RTF2: variants seen among roughly 807,000 people sequenced by gnomAD.
RTF2 encodes the protein replication termination factor 2, also known as UPF0549 protein C20orf43.
A neutral mutation model predicts 38.0 loss-of-function variants in RTF2; 18 were observed. The ratio of observed to expected loss-of-function variants is 0.47; its 90% CI spans 0.33 to 0.70. The LOEUF is 0.70. RTF2 is among the 30% of genes least tolerant of loss of function. RTF2 has a pLI of 0.02. For missense variants in RTF2, 311 were observed against 379.6 expected, an observed-to-expected ratio of 0.82 and a Z score of 1.50; for synonymous variants, 126 against 137.1, an observed-to-expected ratio of 0.92 and a Z score of 0.57.
At chr20:56,503,740 A>T (rs899169657) in intron 5 of RTF2, among the ~76,000 whole-genome samples, 2 of 152,158 alleles carry the variant, frequency 1.3e-5, no homozygotes, top group Non-Finnish European at 2.9e-5. Context: ...AGGTGGGTGG[A>T]TCACTTGAGG....
intron 5 of RTF2, among the ~76,000 whole-genome samples, chr20:56,511,845 T>C (rs915981695): frequency 1.3e-5 from 2 of 152,154 alleles, no homozygotes; most frequent in Admixed American, 1.3e-4. Flanking sequence ...CCCCTCTTTT[T>C]TTTTTGAGAC....
At chr20:56,471,344 G>T (rs573421810) in intron 1 of RTF2, among the ~76,000 whole-genome samples, 12 of 152,204 alleles carry the variant, frequency 7.9e-5, no homozygotes, top group African/African-American at 2.9e-4. Flanking sequence ...TGAAGCAGGC[G>T]GATCATGAGG....
At chr20:56,479,553 G>T (rs1458054257) in intron 4 of RTF2, among the ~76,000 whole-genome samples, 1 of 152,192 alleles carries the variant, frequency 6.6e-6, no homozygotes, top group African/African-American at 2.4e-5. Flanking sequence ...ATGACATCTA[G>T]AATGGTGAAT....
intron 1 of RTF2, chr20:56,470,844 C>T: frequency 2.8e-6 from 1 of 352,330 alleles, no homozygotes; most frequent in Non-Finnish European, 5.7e-6. Context: ...ACCCCAACTC[C>T]ATGAGGACAG....
chr20:56,490,779 T>G (rs559845200), intron 5 of RTF2, among the ~76,000 whole-genome samples: 6 of 152,350 alleles, frequency 3.9e-5, no homozygotes, highest in African/African-American at 1.4e-4. Context: ...ATCGTGCCAT[T>G]GCACTCCAGC....
chr20:56,489,902 A>G (rs140121075), intron 5 of RTF2, among the ~76,000 whole-genome samples: 1 of 152,244 alleles, frequency 6.6e-6, no homozygotes, highest in African/African-American at 2.4e-5. Context: ...GTAGCCAGCT[A>G]TCGCCTTTGG....
Position 56,473,282 on chromosome 20 carries a change from A to T in RTF2, c.70-19A>T, listed in dbSNP as rs761026737. On this transcript the variant is annotated intron_variant, in intron 1 of 8. Transcript: ENST00000357348. Reference sequence around the variant, plus strand: ...TCTTTCAGAGTTGAAAATTAATTGAATTTTTTGTTTTTTATTAGGTCGACA... The same window carrying T: ...TCTTTCAGAGTTGAAAATTAATTGATTTTTTTGTTTTTTATTAGGTCGACA... The T allele has an allele frequency of 2.5e-6, 4 of 1,582,072 alleles. No homozygotes were observed. The highest frequency in any genetic ancestry group is 1.7e-4 in the Middle Eastern group (1 of 5,918).
intron 5 of RTF2, among the ~76,000 whole-genome samples, chr20:56,499,862 G>T (rs1314624632): frequency 1.3e-5 from 2 of 150,740 alleles, no homozygotes; most frequent in African/African-American, 4.9e-5. Context: ...TCAGCCTCCT[G>T]AGTAGCTGGG....
At chr20:56,480,247 A>G (rs978970325) in intron 4 of RTF2, among the ~76,000 whole-genome samples, 1 of 152,186 alleles carries the variant, frequency 6.6e-6, no homozygotes, top group Non-Finnish European at 1.5e-5. Flanking sequence ...TTCACCTTGC[A>G]CTTTTATGTT....
chr20:56,515,065 G>C (rs532609669), intron 6 of RTF2, among the ~76,000 whole-genome samples: 3 of 150,060 alleles, frequency 2.0e-5, no homozygotes, highest in African/African-American at 7.3e-5. Flanking sequence ...CTTGGCCATT[G>C]AAATGCTGTG....
intron 5 of RTF2, among the ~76,000 whole-genome samples, chr20:56,499,116 C>T (rs976769260): frequency 6.6e-6 from 1 of 151,776 alleles, no homozygotes; most frequent in Admixed American, 6.6e-5. Context: ...TCCACTGGTT[C>T]AGTAAATGGT....
At chr20:56,472,666 A>G (rs536210670) in intron 1 of RTF2, among the ~76,000 whole-genome samples, 1 of 151,956 alleles carries the variant, frequency 6.6e-6, no homozygotes, top group South Asian at 2.1e-4. Flanking sequence ...TTAATCTAAC[A>G]CACTTTTTTT....
chr20:56,501,737 C>T (rs553666523), intron 5 of RTF2, among the ~76,000 whole-genome samples: 1 of 152,152 alleles, frequency 6.6e-6, no homozygotes, highest in Admixed American at 6.5e-5. Context: ...CCAAAATTAG[C>T]CAAACCTGTG....
At chr20:56,488,341 A>G (rs1982902317) in intron 5 of RTF2, among the ~76,000 whole-genome samples, 1 of 152,054 alleles carries the variant, frequency 6.6e-6, no homozygotes, top group Non-Finnish European at 1.5e-5. Context: ...AGCCTGGGCG[A>G]CAGAGCTAGA....
Position 56,516,977 on chromosome 20 carries a change from G to A in RTF2, c.634G>A (p.Asp212Asn). 1 of 1,614,062 alleles carries A rather than the reference G, an allele frequency of 6.2e-7. No individual in the cohort carries two copies. The highest frequency in any genetic ancestry group is 8.5e-7 in the Non-Finnish European group (1 of 1,179,910). Reference protein sequence around the residue: ...PKAAESVSKPDVSEEAPGPSK... With the variant: ...PKAAESVSKPNVSEEAPGPSK... ...GGCAGCAGAGTCTGTTTCAAAACCA[G>A]ATGTCAGTGAAGGTAAGATCCTTCA... The change falls in exon 7 of 9, where the codon GAT becomes AAT. Residue 212 changes from aspartate (D) to asparagine (N), a missense_variant. Transcript: ENST00000357348.
chr20:56,517,754 G>A (rs1431167905), intron 8 of RTF2, among the ~76,000 whole-genome samples: 1 of 152,134 alleles, frequency 6.6e-6, no homozygotes, highest in Non-Finnish European at 1.5e-5. Context: ...CAGGGTGGCT[G>A]ACAGGCTCCC....
At chr20:56,488,197 C>T (rs1982893697) in intron 5 of RTF2, among the ~76,000 whole-genome samples, 1 of 152,068 alleles carries the variant, frequency 6.6e-6, no homozygotes. Flanking sequence ...CCCGTCTCTA[C>T]TAAAAATACA....
At chr20:56,483,975 G>A in intron 4 of RTF2, 136 bp from the exon 5 acceptor site, 1 of 581,020 alleles carries the variant, frequency 1.7e-6, no homozygotes, top group Non-Finnish European at 3.0e-6. Flanking sequence ...TTTTCTATGA[G>A]AACGTACTGA....
intron 4 of RTF2, among the ~76,000 whole-genome samples, chr20:56,479,350 C>T (rs1477297641): frequency 7.9e-5 from 12 of 152,086 alleles, no homozygotes; most frequent in Non-Finnish European, 1.0e-4. Flanking sequence ...CTCAGCGTCC[C>T]GAGTAGCTGG....
Sources: allele counts gnomAD v4.1 joint callset (sites outside exome capture counted in the v4.1 genomes callset), GRCh38; gene constraint gnomAD v4.1.1; transcripts MANE v1.5; gene names NCBI Gene and HGNC (gene_info 2026-07-23, HGNC 2026-07-21).